Variants in PRKCE observed in about 807,000 individuals in gnomAD.
The protein encoded by PRKCE is protein kinase C epsilon type.
Under a neutral mutation model 85.4 loss-of-function variants are expected in PRKCE, and 16 were observed. That is an observed-to-expected ratio of 0.19 (90% CI 0.13 to 0.28). The LOEUF (loss-of-function observed/expected upper bound fraction) is 0.28, where lower values mean the gene tolerates loss of function less well. Ranked by LOEUF, PRKCE falls within the 10% of genes least tolerant of loss-of-function variation. The pLI, the probability that PRKCE is intolerant of heterozygous loss-of-function variation, is 1.00. For synonymous variants in PRKCE, 388 were observed against 371.5 expected (o/e 1.04, Z -0.51); for missense variants, 573 against 975.2 (o/e 0.59, Z 5.49).
Position 45,976,606 on chromosome 2 carries a change from G to T in PRKCE, c.572+18G>T. ...TTCATCTGGTAAGCCTTTCTCTTGG[G>T]AACCTCTAATTACAACATCTCTGTT... is the stretch of plus-strand genomic sequence containing the variant. On this transcript the variant is annotated intron_variant, in intron 3 of 14. Transcript: ENST00000306156. 1 of 1,598,070 alleles carries T rather than the reference G, an allele frequency of 6.3e-7. No individual in the cohort carries two copies. The highest frequency in any genetic ancestry group is 1.7e-5 in the Admixed American group (1 of 59,936).
chr2:46,006,808 C>T (rs940343790), intron 8 of PRKCE, among the ~76,000 whole-genome samples: 16 of 152,200 alleles, frequency 1.1e-4, no homozygotes, highest in Non-Finnish European at 1.9e-4. Flanking sequence ...GAGAAATTCC[C>T]GCCCCATTGG....
At chr2:46,131,548 G>A (rs1674449864) in intron 11 of PRKCE, among the ~76,000 whole-genome samples, 1 of 152,206 alleles carries the variant, frequency 6.6e-6, no homozygotes, top group African/African-American at 2.4e-5. Flanking sequence ...CTGGTGGAGT[G>A]GGGAGGAAAG....
At chr2:45,954,364 A>G (rs573541736) in intron 2 of PRKCE, among the ~76,000 whole-genome samples, 1 of 152,356 alleles carries the variant, frequency 6.6e-6, no homozygotes, top group East Asian at 1.9e-4. Context: ...TCAAATTGTA[A>G]GTTCCTTATC....
intron 2 of PRKCE, among the ~76,000 whole-genome samples, chr2:45,920,541 A>G (rs953787857): frequency 1.3e-5 from 2 of 152,244 alleles, no homozygotes; most frequent in African/African-American, 2.4e-5. Flanking sequence ...ATAAAATGTG[A>G]AATATCCATG....
chr2:45,954,147 C>A (rs539540780), intron 2 of PRKCE, among the ~76,000 whole-genome samples: 1 of 152,140 alleles, frequency 6.6e-6, no homozygotes, highest in African/African-American at 2.4e-5. Context: ...GCCTTAGGTG[C>A]GCAGGGACTT....
chr2:46,146,937 T>G (rs1676124162), intron 12 of PRKCE, among the ~76,000 whole-genome samples: 1 of 152,112 alleles, frequency 6.6e-6, no homozygotes, highest in Non-Finnish European at 1.5e-5. Flanking sequence ...GTGGACCCAC[T>G]CAGGGTTTCA....
rs566338916 is a variant in PRKCE at position 46,041,069 on chromosome 2, A to G, written c.1437+30552A>G. On this transcript the variant is annotated intron_variant, in intron 10 of 14. Coordinates refer to ENST00000306156, the MANE Select transcript of PRKCE (RefSeq NM_005400.3). The surrounding 1 kb of genome is among the most constrained non-coding windows in gnomAD (Gnocchi z 5.5). ...TTCTGACTTTTTGAAAATCATTTCT[A>G]TCTGTGAGTAGGTGGCACGAGGTAT... Among the ~76,000 whole-genome samples, 31 of 152,342 alleles carry G rather than the reference A, an allele frequency of 2.0e-4. No individual in the cohort carries two copies. The highest frequency in any genetic ancestry group is 6.5e-4 in the Admixed American group (10 of 15,306).
At chr2:45,886,326 T>C (rs920033000) in intron 2 of PRKCE, among the ~76,000 whole-genome samples, 1 of 152,202 alleles carries the variant, frequency 6.6e-6, no homozygotes, top group East Asian at 1.9e-4. Flanking sequence ...GCTGTCTGCT[T>C]TCCTGCCTGT....
Position 45,756,253 on chromosome 2 carries a change from G to T in PRKCE, c.349-86747G>T, listed in dbSNP as rs1468041. ...ATCCTGGACTTCTTTGAAAAAGCAT[G>T]CCTCCAAATACCAGATGATAGGGCA... On this transcript the variant is annotated intron_variant, in intron 1 of 14. Coordinates refer to ENST00000306156, the MANE Select transcript of PRKCE (RefSeq NM_005400.3). Among the ~76,000 whole-genome samples, 997 of 152,266 alleles carry T rather than the reference G, an allele frequency of 6.5e-3. 4 individuals carry two copies. The highest frequency in any genetic ancestry group is 0.01 in the Non-Finnish European group (689 of 68,020).
At chr2:46,076,915 A>G (rs1295419274) in intron 10 of PRKCE, among the ~76,000 whole-genome samples, 1 of 152,186 alleles carries the variant, frequency 6.6e-6, no homozygotes, top group Non-Finnish European at 1.5e-5. Flanking sequence ...ACGTGATACT[A>G]CTCACCTGAT....
At chr2:46,083,785 A>G (rs540806787) in intron 10 of PRKCE, among the ~76,000 whole-genome samples, 3 of 152,342 alleles carry the variant, frequency 2.0e-5, no homozygotes, top group African/African-American at 7.2e-5. Context: ...CTTCCATGTG[A>G]TTCTAATGCA....
chr2:46,129,198 G>A (rs916732667), intron 11 of PRKCE, among the ~76,000 whole-genome samples: 8 of 152,156 alleles, frequency 5.3e-5, no homozygotes, highest in Non-Finnish European at 1.2e-4. Context: ...CACTAGTAAA[G>A]GCTCATCAGC....
At chr2:46,113,323 G>C (rs1375054) in intron 11 of PRKCE, among the ~76,000 whole-genome samples, 5 of 151,976 alleles carry the variant, frequency 3.3e-5, no homozygotes, top group Admixed American at 6.5e-5. Flanking sequence ...AATCCCAGAC[G>C]GTACTTACAG....
chr2:45,827,411 T>C (rs1690036901), intron 1 of PRKCE, among the ~76,000 whole-genome samples: 1 of 152,240 alleles, frequency 6.6e-6, no homozygotes, highest in African/African-American at 2.4e-5. Context: ...CTTCAGGAAA[T>C]ATCTTCCCTT....
In PRKCE at chr2:46,007,562, C is replaced by T. The variant is rs1284429597; in HGVS notation, c.1164C>T (p.Ser388=). Residue 388 remains serine, a synonymous_variant, in exon 9 of 15, where the codon AGC becomes AGT. Transcript: ENST00000306156. The part of the protein sequence containing the change: ...AASSPDGQLM[S]PGENGEVRQG... ...CGTCTCCTGATGGCCAGCTGATGAG[C>T]CCCGGTGAGAATGGCGAAGTCCGGC... 2.5e-6 allele frequency: 4 copies of T among 1,599,778 alleles called. No individual in the cohort carries two copies. Among genetic ancestry groups the T allele is most frequent in the South Asian group, 1.1e-5 (1 of 91,084 alleles).
intron 8 of PRKCE, among the ~76,000 whole-genome samples, chr2:46,005,394 G>A (rs547212988): frequency 6.6e-6 from 1 of 152,146 alleles, no homozygotes; most frequent in Non-Finnish European, 1.5e-5. Flanking sequence ...CTGCAGAAGA[G>A]GAATAACCAT....
chr2:46,075,834 A>G (rs1484133983), intron 10 of PRKCE, among the ~76,000 whole-genome samples: 1 of 152,216 alleles, frequency 6.6e-6, no homozygotes, highest in Non-Finnish European at 1.5e-5. Context: ...CTGGAGCGTA[A>G]AACTTCTGCA....
intron 2 of PRKCE, among the ~76,000 whole-genome samples, chr2:45,931,501 C>G (rs72802818): frequency 6.6e-6 from 1 of 152,208 alleles, no homozygotes; most frequent in Admixed American, 6.5e-5. Context: ...AAACAACCTC[C>G]TGATGGTAAA....
intron 1 of PRKCE, among the ~76,000 whole-genome samples, chr2:45,757,990 T>G (rs1274116513): frequency 1.3e-5 from 2 of 152,144 alleles, no homozygotes; most frequent in Admixed American, 6.5e-5. Context: ...GGGACAATGT[T>G]AAAGGCAGTG....
Sources: allele counts gnomAD v4.1 joint callset (sites outside exome capture counted in the v4.1 genomes callset), GRCh38; gene constraint gnomAD v4.1.1; non-coding constraint Gnocchi (gnomAD v3.1); transcripts MANE v1.5; gene names NCBI Gene and HGNC (gene_info 2026-07-23, HGNC 2026-07-21).